Variants in KIAA1671 observed in about 807,000 individuals in gnomAD.
The protein encoded by KIAA1671 is uncharacterized protein KIAA1671.
In KIAA1671, 52 loss-of-function variants were observed where a neutral mutation model predicts 131.2. The observed-to-expected ratio is 0.40, with a 90% CI of 0.32 to 0.50. KIAA1671 has a LOEUF of 0.50. Ranked by LOEUF, KIAA1671 falls within the 20% of genes least tolerant of loss-of-function variation. The pLI is 0.73. For synonymous variants in KIAA1671, 1,003 were observed against 961.6 expected (o/e 1.04, Z -0.80); for missense variants, 2,360 against 2,364.2 (o/e 1.00, Z 0.04).
chr22:25,019,099 TTAAG>T (rs369564537), intron 1 of KIAA1671, among the ~76,000 whole-genome samples: 1,847 of 150,568 alleles, frequency 0.012, 37 homozygotes, highest in African/African-American at 0.043. Context: ...TGTGTTTTAA[TTAAG>T]TAATAGCCAC....
intron 3 of KIAA1671, among the ~76,000 whole-genome samples, chr22:25,031,238 G>A (rs1288606527): frequency 1.2e-4 from 16 of 136,290 alleles, no homozygotes; most frequent in Admixed American, 1.1e-3. Context: ...TCGCTCTGCC[G>A]CTGAGGCCAG....
intron 1 of KIAA1671, among the ~76,000 whole-genome samples, chr22:24,968,302 C>T (rs1342051671): frequency 6.6e-6 from 1 of 152,194 alleles, no homozygotes; most frequent in Non-Finnish European, 1.5e-5. Flanking sequence ...GCCATCTTCC[C>T]TGGCTTTGGT....
chr22:24,966,280 G>A (rs1198771732), intron 1 of KIAA1671, among the ~76,000 whole-genome samples: 1 of 152,220 alleles, frequency 6.6e-6, no homozygotes, highest in Non-Finnish European at 1.5e-5. Context: ...GGCTTAGCGA[G>A]CACTGCCGAG....
intron 1 of KIAA1671, among the ~76,000 whole-genome samples, chr22:24,957,040 G>T (rs1921747731): frequency 6.6e-6 from 1 of 152,104 alleles, no homozygotes; most frequent in South Asian, 2.1e-4. Flanking sequence ...TTCTCAAAAG[G>T]TTCTTATGTG....
At position 25,177,449 on chromosome 22, in the gene KIAA1671, A is replaced by C. The variant is rs770316814; in HGVS notation, c.5001A>C (p.Arg1667=). The stretch of plus-strand genomic sequence containing the variant: ...TCTCCCACTCCCTCCGGCGCAGCCG[A>C]TTTAGTGAGTCCGAGAGCAGATCAC... ...APISHSLRRS[R]FSESESRSPL... is the part of the protein sequence containing the mutation. The change falls in exon 9 of 13, where the codon CGA becomes CGC. Residue 1667 remains arginine, a synonymous_variant. Transcript: ENST00000358431. 6.4e-7 allele frequency: 1 copy of C among 1,551,752 alleles called. No individual in the cohort carries two copies. Among genetic ancestry groups the C allele is most frequent in the South Asian group, 1.2e-5 (1 of 84,064 alleles).
In KIAA1671 at chr22:25,195,055, C is replaced by T. The variant is rs1420593253; in HGVS notation, c.*2654C>T. The T allele has an allele frequency of 2.6e-5, 4 of 152,200 alleles. No individual in the cohort carries two copies. The highest frequency in any genetic ancestry group is 9.7e-5 in the African/African-American group (4 of 41,444). The allele number at this position is 152,200 out of a possible 1,614,324, so 9.4% of individuals were successfully genotyped here. A position where few individuals can be genotyped will look rare whatever the true frequency, so the allele number is the denominator to read the frequency against. On this transcript the variant is annotated 3_prime_UTR_variant, in exon 13 of 13. Coordinates refer to ENST00000358431, the MANE Select transcript of KIAA1671 (RefSeq NM_001145206.2). ...AACTCACTTAATATGCCTTAATCATCTGTGTGTAATGGAGTCATCCGCTCC... is the reference window on the plus strand; with the variant it reads ...AACTCACTTAATATGCCTTAATCATTTGTGTGTAATGGAGTCATCCGCTCC...
chr22:25,068,226 C>T (rs531652535), intron 6 of KIAA1671, among the ~76,000 whole-genome samples: 10 of 151,860 alleles, frequency 6.6e-5, no homozygotes, highest in South Asian at 2.1e-4. Context: ...GGAGCAGGGC[C>T]GGCCTTCTGA....
rs181131386 is a variant in KIAA1671 at position 25,068,965 on chromosome 22, C to T, written c.4530+19601C>T. Among the ~76,000 whole-genome samples the T allele has an allele frequency of 3.3e-5, 5 of 152,236 alleles. No individual in the cohort carries two copies. In the South Asian group the frequency reaches 8.3e-4, roughly 25 times the overall value. ...CCTCTCAGCAGTGAGAAGGACCTTG[C>T]CTCAGAAGCACAGCTGTCTTGCATC... On this transcript the variant is annotated intron_variant, in intron 6 of 12. Coordinates refer to ENST00000358431, the MANE Select transcript of KIAA1671 (RefSeq NM_001145206.2).
At chr22:25,190,920 T>A in intron 12 of KIAA1671, 136 bp downstream of exon 12, 1 of 522,688 alleles carries the variant, frequency 1.9e-6, no homozygotes, top group Non-Finnish European at 3.5e-6. Flanking sequence ...GAATGAGGGG[T>A]GGGGGGTGTT....
At chr22:25,018,137 CT>C (rs1240178708) in intron 1 of KIAA1671, among the ~76,000 whole-genome samples, 3 of 149,568 alleles carry the variant, frequency 2.0e-5, no homozygotes, top group African/African-American at 7.4e-5. Context: ...TATAACCCCC[CT>C]GTCTGCCCCC....
rs1926146063 is a variant in KIAA1671, at chr22:25,029,410, G to C, written c.1411G>C (p.Glu471Gln). The stretch of plus-strand genomic sequence containing the variant: ...CCCTGCGTCCCCATCGGCGGCACCA[G>C]AGCCGGAGAAAGGGGTTGTGAGCGT... ...ATPASPSAAP[E>Q]PEKGVVSVQE... Residue 471 changes from glutamate (E) to glutamine (Q), a missense_variant, in exon 3 of 13, where the codon GAG (glutamate) becomes CAG (glutamine). By Grantham distance (29) the Glu-to-Gln change is conservative. Around this residue, in one of 3 missense-constraint regions of KIAA1671, gnomAD observed 1,185 missense variants for 1,126.2 expected, o/e 1.05. Coordinates refer to ENST00000358431, the MANE Select transcript of KIAA1671 (RefSeq NM_001145206.2). 1 of 1,551,324 alleles carries C rather than the reference G, an allele frequency of 6.4e-7. No homozygotes were observed. Among genetic ancestry groups the C allele is most frequent in the South Asian group, 1.2e-5 (1 of 84,066 alleles).
chr22:24,995,822 G>C (rs372631640), intron 1 of KIAA1671, among the ~76,000 whole-genome samples: 2 of 152,264 alleles, frequency 1.3e-5, no homozygotes, highest in East Asian at 1.9e-4. Context: ...AGATGAGGAA[G>C]ATGAGGCTCA....
At chr22:25,134,571 A>C in intron 6 of KIAA1671, among the ~76,000 whole-genome samples, 1 of 152,212 alleles carries the variant, frequency 6.6e-6, no homozygotes, top group East Asian at 1.9e-4. Flanking sequence ...CACAGACCTA[A>C]GTAGGAGTTG....
At chr22:25,021,751 G>T (rs1384922090) in intron 1 of KIAA1671, among the ~76,000 whole-genome samples, 1 of 152,012 alleles carries the variant, frequency 6.6e-6, no homozygotes, top group Non-Finnish European at 1.5e-5. Flanking sequence ...TCTCTGGGAG[G>T]ACACCAGCGT....
intron 1 of KIAA1671, among the ~76,000 whole-genome samples, chr22:24,973,003 G>A (rs903150118): frequency 2.6e-5 from 4 of 152,164 alleles, no homozygotes; most frequent in East Asian, 1.9e-4. Flanking sequence ...AAGAGCCCAC[G>A]GGGAGAGTGT....
chr22:25,047,830 A>G (rs1271904287), intron 5 of KIAA1671, among the ~76,000 whole-genome samples: 2 of 152,194 alleles, frequency 1.3e-5, no homozygotes, highest in East Asian at 1.9e-4. Flanking sequence ...GAAGAAGTCT[A>G]TTTTATTTAT....
At chr22:25,035,402 C>T (rs1048197080) in intron 4 of KIAA1671, among the ~76,000 whole-genome samples, 6 of 152,092 alleles carry the variant, frequency 3.9e-5, no homozygotes, top group Non-Finnish European at 8.8e-5. Flanking sequence ...ATGGCTGGAT[C>T]ATATGGTAGA....
chr22:25,013,905 A>G (rs1925173074), intron 1 of KIAA1671: 1 of 152,188 alleles, frequency 6.6e-6, no homozygotes, highest in African/African-American at 2.4e-5. Context: ...CTCATTAGAC[A>G]TCTTTACTGG....
chr22:25,133,891 A>T (rs1932559815), intron 6 of KIAA1671, among the ~76,000 whole-genome samples: 1 of 152,102 alleles, frequency 6.6e-6, no homozygotes, highest in Non-Finnish European at 1.5e-5. Flanking sequence ...ACATGCATAG[A>T]TGTATACATC....
Sources: allele counts gnomAD v4.1 joint callset (sites outside exome capture counted in the v4.1 genomes callset), GRCh38; gene constraint gnomAD v4.1.1; regional missense constraint gnomAD v4.1.1; transcripts MANE v1.5; gene names NCBI Gene and HGNC (gene_info 2026-07-23, HGNC 2026-07-21).